The following STXBP5L variants were observed in gnomAD, a reference collection of about 807,000 sequenced individuals.
The protein encoded by STXBP5L is syntaxin-binding protein 5-like.
A neutral mutation model predicts 144.5 loss-of-function variants in STXBP5L; 65 were observed. The observed-to-expected ratio is 0.45, with a 90% CI of 0.37 to 0.55. STXBP5L has a LOEUF of 0.55. STXBP5L is among the 20% of genes least tolerant of loss of function. STXBP5L has a pLI of 0.00. For missense variants in STXBP5L, 1,298 were observed against 1,405.5 expected (o/e 0.92, Z 1.22); for synonymous variants, 505 against 469.6 (o/e 1.08, Z -0.97).
At chr3:121,263,137 T>C (rs1023427713) in intron 18 of STXBP5L, among the ~76,000 whole-genome samples, 2 of 152,242 alleles carry the variant, frequency 1.3e-5, no homozygotes, top group Non-Finnish European at 2.9e-5. Flanking sequence ...CAGCAATCTT[T>C]GTTGTTCTGC....
At chr3:121,158,315 A>G (rs924001514) in intron 9 of STXBP5L, 3 of 152,162 alleles carry the variant, frequency 2.0e-5, no homozygotes, top group Non-Finnish European at 2.9e-5. Context: ...ATTATTTGTA[A>G]TAATAGATAT....
At chr3:121,132,940 A>G (rs75750546) in intron 7 of STXBP5L, among the ~76,000 whole-genome samples, 16,997 of 152,216 alleles carry the variant, frequency 0.11, 1,040 homozygotes, top group Non-Finnish European at 0.14. Context: ...TCAGACAGAA[A>G]AGCAAAAGGA....
chr3:120,955,843 T>C (rs1334347004), intron 3 of STXBP5L, among the ~76,000 whole-genome samples: 1 of 152,062 alleles, frequency 6.6e-6, no homozygotes, highest in Non-Finnish European at 1.5e-5. Context: ...GTTTTTCATT[T>C]CAATAATTTT....
chr3:121,020,250 C>A lies in STXBP5L; in HGVS notation c.288-21450C>A, dbSNP rs958000629. Among the ~76,000 whole-genome samples the A allele has an allele frequency of 2.0e-5, 3 of 151,924 alleles. No homozygotes were observed. In the East Asian group the frequency reaches 5.8e-4, roughly 29 times the overall value. On this transcript the variant is annotated intron_variant, in intron 3 of 26. Coordinates refer to ENST00000471454, the MANE Select transcript of STXBP5L (RefSeq NM_001308330.2). ...CAAAGAAAAAAGAAAAAAAATGCCT[C>A]CAAGACGTTTGGGATGTTAAATGGT...
intron 22 of STXBP5L, among the ~76,000 whole-genome samples, chr3:121,401,978 A>G (rs1560059688): frequency 1.3e-5 from 2 of 152,072 alleles, no homozygotes; most frequent in Non-Finnish European, 2.9e-5. Context: ...TTCAAATAAA[A>G]CCTTGAAGAC....
intron 2 of STXBP5L, among the ~76,000 whole-genome samples, chr3:120,928,178 T>C (rs947290395): frequency 6.6e-6 from 1 of 152,172 alleles, no homozygotes; most frequent in African/African-American, 2.4e-5. Context: ...ATATAAAATA[T>C]CTTACATTTT....
At position 121,082,575 on chromosome 3, in the gene STXBP5L, C is replaced by A. The variant is rs181282561; in HGVS notation, c.471-32350C>A. On this transcript the variant is annotated intron_variant, in intron 5 of 26. Coordinates refer to ENST00000471454, the MANE Select transcript of STXBP5L (RefSeq NM_001308330.2). ...TGGTTAAATACTCTGCTCTGACCATCTTGAAATTCTTGGTAATTTTATCTC... is the reference window on the plus strand; with the variant it reads ...TGGTTAAATACTCTGCTCTGACCATATTGAAATTCTTGGTAATTTTATCTC... Among the ~76,000 whole-genome samples the A allele has an allele frequency of 3.3e-5, 5 of 152,286 alleles. No individual in the cohort carries two copies. In the East Asian group the frequency reaches 7.7e-4, roughly 24 times the overall value.
chr3:121,009,633 A>T (rs1346161966), intron 3 of STXBP5L, among the ~76,000 whole-genome samples: 1 of 151,996 alleles, frequency 6.6e-6, no homozygotes, highest in Non-Finnish European at 1.5e-5. Flanking sequence ...GTTCATAGCT[A>T]TGAGCAGAGG....
chr3:121,287,440 A>G (rs1255948533), intron 19 of STXBP5L, among the ~76,000 whole-genome samples: 1 of 121,392 alleles, frequency 8.2e-6, no homozygotes, highest in Admixed American at 8.9e-5. Context: ...TTCTATATGC[A>G]TACAACAATC....
intron 20 of STXBP5L, among the ~76,000 whole-genome samples, chr3:121,325,715 A>T (rs2044121374): frequency 6.6e-6 from 1 of 152,044 alleles, no homozygotes; most frequent in Non-Finnish European, 1.5e-5. Flanking sequence ...CCTTTTGAGT[A>T]TATTAAGCCT....
chr3:120,947,502 T>C (rs1218554666), intron 2 of STXBP5L, among the ~76,000 whole-genome samples: 3 of 151,824 alleles, frequency 2.0e-5, no homozygotes. Context: ...CTATTTAAAG[T>C]GTACATTTCA....
chr3:120,991,122 A>T (rs917666423), intron 3 of STXBP5L, among the ~76,000 whole-genome samples: 1 of 152,082 alleles, frequency 6.6e-6, no homozygotes, highest in African/African-American at 2.4e-5. Context: ...ATGAACTCAA[A>T]CAAATTTACA....
At chr3:121,356,730 A>T (rs1021059912) in intron 20 of STXBP5L, among the ~76,000 whole-genome samples, 4 of 152,194 alleles carry the variant, frequency 2.6e-5, no homozygotes, top group African/African-American at 4.8e-5. Flanking sequence ...AGATGAACCA[A>T]GTACCTCAAT....
chr3:121,333,518 A>G (rs190575429), intron 20 of STXBP5L, among the ~76,000 whole-genome samples: 17 of 152,004 alleles, frequency 1.1e-4, no homozygotes, highest in Non-Finnish European at 1.5e-4. Flanking sequence ...GAAATAACCA[A>G]AATCAGAGCT....
chr3:121,025,998 ATATAT>A (rs1945908615), intron 3 of STXBP5L, among the ~76,000 whole-genome samples: 1 of 145,262 alleles, frequency 6.9e-6, no homozygotes, highest in Non-Finnish European at 1.5e-5. Context: ...AGTATTATCA[ATATAT>A]TATATATAAA....
rs572113854 is a variant in STXBP5L at position 121,145,092 on chromosome 3, A to G, written c.670-7385A>G. ...TATAAACTTTAGAAATCTGCTGTGC[A>G]ACATTGTATCTAGAGTCACCAGTAA... On this transcript the variant is annotated intron_variant, in intron 7 of 26. Transcript: ENST00000471454. 9.2e-5 allele frequency among the ~76,000 whole-genome samples: 14 copies of G among 152,040 alleles called. No individual in the cohort carries two copies. In the South Asian group the frequency reaches 2.9e-3, roughly 32 times the overall value.
At chr3:120,987,126 T>G (rs1387817780) in intron 3 of STXBP5L, among the ~76,000 whole-genome samples, 2 of 151,982 alleles carry the variant, frequency 1.3e-5, no homozygotes, top group African/African-American at 4.8e-5. Flanking sequence ...TTGAGACACA[T>G]TATAATCAGA....
At chr3:121,086,513 A>C (rs903613357) in intron 5 of STXBP5L, among the ~76,000 whole-genome samples, 1 of 152,126 alleles carries the variant, frequency 6.6e-6, no homozygotes, top group Non-Finnish European at 1.5e-5. Context: ...AATTGCCTAC[A>C]GTATTCACTA....
At chr3:120,965,917 C>G (rs1044086954) in intron 3 of STXBP5L, among the ~76,000 whole-genome samples, 6 of 152,312 alleles carry the variant, frequency 3.9e-5, no homozygotes, top group African/African-American at 1.4e-4. Flanking sequence ...ATACACCAAT[C>G]AAATGTAGAA....
Sources: gnomAD v4.1 joint callset for allele counts (sites outside exome capture counted in the v4.1 genomes callset) on GRCh38, gnomAD v4.1.1 for gene constraint, MANE v1.5 for transcripts, NCBI Gene and HGNC (gene_info 2026-07-23, HGNC 2026-07-21) for gene names.